The following FNIP2 variants were observed in gnomAD, a reference collection of about 807,000 sequenced individuals.
The protein encoded by FNIP2 is folliculin interacting protein 2, also known as folliculin-interacting protein 2.
In FNIP2, 32 loss-of-function variants were observed where a neutral mutation model predicts 108.7. The ratio of observed to expected loss-of-function variants is 0.29; its 90% CI spans 0.22 to 0.40. The LOEUF (loss-of-function observed/expected upper bound fraction) is 0.40, where lower values mean the gene tolerates loss of function less well. Ranked by LOEUF, FNIP2 falls within the 10% of genes least tolerant of loss-of-function variation. The pLI, the probability that FNIP2 is intolerant of heterozygous loss-of-function variation, is 1.00. For missense variants in FNIP2, 1,202 were observed against 1,381.6 expected (o/e 0.87, Z 2.06); for synonymous variants, 480 against 496.7 (o/e 0.97, Z 0.45).
chr4:158,783,579 G>C (rs1435503841), intron 1 of FNIP2, among the ~76,000 whole-genome samples: 1 of 152,218 alleles, frequency 6.6e-6, no homozygotes, highest in Non-Finnish European at 1.5e-5. Context: ...AACTCTGCCT[G>C]AAGCACTGAG....
intron 1 of FNIP2, among the ~76,000 whole-genome samples, chr4:158,816,380 A>G (rs1213777099): frequency 6.6e-6 from 1 of 152,230 alleles, no homozygotes; most frequent in Non-Finnish European, 1.5e-5. Flanking sequence ...AAAGATATGA[A>G]ATCATCTTGA....
intron 1 of FNIP2, among the ~76,000 whole-genome samples, chr4:158,823,591 G>A (rs929218115): frequency 7.9e-5 from 12 of 152,208 alleles, no homozygotes; most frequent in Admixed American, 6.5e-4. Context: ...TTGATTGTAA[G>A]TGACAGTGAA....
At chr4:158,779,519 G>A (rs1358143599) in intron 1 of FNIP2, among the ~76,000 whole-genome samples, 3 of 151,294 alleles carry the variant, frequency 2.0e-5, no homozygotes, top group Non-Finnish European at 4.4e-5. Flanking sequence ...ATAAAGAACA[G>A]TTGACATTAT....
intron 2 of FNIP2, among the ~76,000 whole-genome samples, chr4:158,827,477 A>G (rs776177360): frequency 8.5e-5 from 13 of 152,214 alleles, no homozygotes; most frequent in Non-Finnish European, 1.3e-4. Context: ...CCAAAAAGGC[A>G]TCTTAGGTTC....
chr4:158,854,515 C>T (rs553964917), intron 8 of FNIP2, among the ~76,000 whole-genome samples: 1 of 152,346 alleles, frequency 6.6e-6, no homozygotes, highest in Admixed American at 6.5e-5. Context: ...GGGCTGCAAG[C>T]CCTGGGTTCT....
chr4:158,830,649 G>A (rs533677548), intron 3 of FNIP2, among the ~76,000 whole-genome samples: 2 of 152,340 alleles, frequency 1.3e-5, no homozygotes, highest in African/African-American at 2.4e-5. Flanking sequence ...GTGTGTCTGT[G>A]TGTGTGTATG....
intron 1 of FNIP2, among the ~76,000 whole-genome samples, chr4:158,804,366 G>A (rs895847768): frequency 1.3e-5 from 2 of 151,022 alleles, no homozygotes; most frequent in African/African-American, 4.9e-5. Flanking sequence ...AGACTAATAT[G>A]CAAATAATTT....
At chr4:158,788,959 C>T (rs548244942) in intron 1 of FNIP2, among the ~76,000 whole-genome samples, 65 of 152,294 alleles carry the variant, frequency 4.3e-4, no homozygotes, top group Non-Finnish European at 6.9e-4. Context: ...AAAGCTTATG[C>T]GAGAGCAGGA....
chr4:158,896,215 C>T (rs1225130456), intron 16 of FNIP2, among the ~76,000 whole-genome samples: 2 of 152,152 alleles, frequency 1.3e-5, no homozygotes, highest in Non-Finnish European at 2.9e-5. Flanking sequence ...GCAGCAGCAG[C>T]TTGTGTTTAC....
chr4:158,812,351 A>G (rs1777325238), intron 1 of FNIP2, among the ~76,000 whole-genome samples: 1 of 152,046 alleles, frequency 6.6e-6, no homozygotes, highest in Non-Finnish European at 1.5e-5. Flanking sequence ...CCAGCCGGGT[A>G]GATAGAACAA....
At chr4:158,782,822 A>ACTGC (rs1776098397) in intron 1 of FNIP2, among the ~76,000 whole-genome samples, 1 of 152,178 alleles carries the variant, frequency 6.6e-6, no homozygotes, top group Non-Finnish European at 1.5e-5. Context: ...AGTGCTAAAT[A>ACTGC]CTGCCTGTAA....
intron 1 of FNIP2, among the ~76,000 whole-genome samples, chr4:158,809,163 C>T (rs1777132570): frequency 6.6e-6 from 1 of 152,174 alleles, no homozygotes; most frequent in African/African-American, 2.4e-5. Flanking sequence ...CCCTTCAAAT[C>T]TAGTGACTCT....
At chr4:158,874,971 C>T (rs1353144878) in intron 14 of FNIP2, among the ~76,000 whole-genome samples, 1 of 150,866 alleles carries the variant, frequency 6.6e-6, no homozygotes, top group Non-Finnish European at 1.5e-5. Context: ...CCTGTAGTCC[C>T]AGCTACTTGG....
chr4:158,864,904 A>G (rs1176512444), intron 12 of FNIP2, among the ~76,000 whole-genome samples: 2 of 147,726 alleles, frequency 1.4e-5, no homozygotes, highest in African/African-American at 2.5e-5. Context: ...CCTTCTCTCT[A>G]TTCTTCCCTC....
chr4:158,839,349 T>C (rs919742878), intron 7 of FNIP2, among the ~76,000 whole-genome samples: 3 of 140,640 alleles, frequency 2.1e-5, no homozygotes, highest in Non-Finnish European at 4.9e-5. Context: ...CAATACTACT[T>C]CATTTCTATT....
At chr4:158,769,353 G>T in intron 1 of FNIP2, 34 bp downstream of exon 1, 1 of 1,422,788 alleles carries the variant, frequency 7.0e-7, no homozygotes, top group South Asian at 1.3e-5. Context: ...TCTGGCGCGG[G>T]ACCCGAGTTG....
intron 1 of FNIP2, chr4:158,806,251 T>C: frequency 7.8e-7 from 1 of 1,289,372 alleles, no homozygotes; most frequent in African/African-American, 1.5e-5. Context: ...TCAGGAGATG[T>C]GCGGCGGCAC....
intron 1 of FNIP2, among the ~76,000 whole-genome samples, chr4:158,819,833 T>C (rs1777780254): frequency 2.6e-5 from 4 of 152,256 alleles, no homozygotes; most frequent in South Asian, 4.1e-4. Flanking sequence ...CCCACTCTTC[T>C]TGAGCAAACC....
intron 14 of FNIP2, among the ~76,000 whole-genome samples, chr4:158,882,677 CTGT>C (rs1405217516): frequency 6.6e-6 from 1 of 152,234 alleles, no homozygotes; most frequent in African/African-American, 2.4e-5. Context: ...CCTTGGGATG[CTGT>C]TGATCTATGA....
Sources: gnomAD v4.1 joint callset for allele counts (sites outside exome capture counted in the v4.1 genomes callset) on GRCh38, gnomAD v4.1.1 for gene constraint, MANE v1.5 for transcripts, NCBI Gene and HGNC (gene_info 2026-07-23, HGNC 2026-07-21) for gene names.